The following ADGRF5 variants were observed in gnomAD, a reference collection of about 807,000 sequenced individuals.
ADGRF5 encodes the protein G-protein coupled receptor 116.
ADGRF5 carries 75 observed loss-of-function variants against 132.3 expected under a neutral mutation model. The observed-to-expected ratio is 0.57, with a 90% CI of 0.47 to 0.69. ADGRF5 has a LOEUF of 0.69. Among genes scored for constraint, ADGRF5 ranks in the 30% least tolerant of loss-of-function variants. The pLI, the probability that ADGRF5 is intolerant of heterozygous loss-of-function variation, is 0.00. For synonymous variants in ADGRF5, 629 were observed against 597.6 expected (o/e 1.05, Z -0.77); for missense variants, 1,516 against 1,630.6 (o/e 0.93, Z 1.21).
At position 46,882,108 on chromosome 6, in the gene ADGRF5, C is replaced by A; in HGVS notation, c.613-1G>T. ...GTAAAATTCCGTAACCCTTCCGGAA[C>A]TGAAAAATAAAGCAAGATGAATGTC... On this transcript the variant is annotated splice_acceptor_variant, in intron 6 of 20. Coordinates refer to ENST00000283296, the MANE Select transcript of ADGRF5 (RefSeq NM_001098518.2). LOFTEE classifies it high-confidence loss of function. The A allele has an allele frequency of 4.4e-6, 7 of 1,605,658 alleles. No homozygotes were observed. The highest frequency in any genetic ancestry group is 6.0e-6 in the Non-Finnish European group (7 of 1,172,518).
At chr6:46,880,363 A>T (rs556296600) in intron 8 of ADGRF5, among the ~76,000 whole-genome samples, 4 of 152,034 alleles carry the variant, frequency 2.6e-5, no homozygotes, top group African/African-American at 9.6e-5. Flanking sequence ...TTTTATAAAA[A>T]AAAAACAAAC....
chr6:46,862,654 G>A (rs777931066), intron 15 of ADGRF5, among the ~76,000 whole-genome samples: 14 of 141,028 alleles, frequency 9.9e-5, no homozygotes, highest in Non-Finnish European at 2.0e-4. Flanking sequence ...GTATCTAGTC[G>A]GTCTGAGAGC....
chr6:46,877,240 T>TTTC (rs1682225960), intron 10 of ADGRF5, among the ~76,000 whole-genome samples: 1 of 28,848 alleles, frequency 3.5e-5, no homozygotes, highest in Non-Finnish European at 6.6e-5. Flanking sequence ...TCTTTCTTTC[T>TTTC]TTCTTTCTTT....
intron 11 of ADGRF5, chr6:46,869,509 C>A (rs1396368019): frequency 2.9e-6 from 1 of 348,070 alleles, no homozygotes; most frequent in Non-Finnish European, 4.0e-6. Context: ...TTTTAAAATA[C>A]TTTTTAATAA....
intron 9 of ADGRF5, among the ~76,000 whole-genome samples, chr6:46,879,329 C>T (rs60401949): frequency 0.16 from 23,544 of 151,858 alleles, 2,698 homozygotes; most frequent in African/African-American, 0.32. Context: ...AATCTCATGT[C>T]GAATTATAAT....
At chr6:46,937,772 A>G (rs1777903466) in intron 1 of ADGRF5, among the ~76,000 whole-genome samples, 1 of 152,200 alleles carries the variant, frequency 6.6e-6, no homozygotes, top group East Asian at 1.9e-4. Flanking sequence ...CAGGTGCTGC[A>G]ATACATATCT....
rs552130633 is a variant in ADGRF5, at chr6:46,860,418, T to C, written c.2379+297A>G. Among the ~76,000 whole-genome samples the C allele has an allele frequency of 2.0e-4, 30 of 152,352 alleles. 1 individual carries two copies. The South Asian group carries it at 5.6e-3, about 28-fold the overall frequency. ...TAGTGCTAGACCTTTGAGAATATCA[T>C]CTTGTATATTCTGAAAACCTTTAAT... On this transcript the variant is annotated intron_variant, in intron 16 of 20. Coordinates refer to ENST00000283296, the MANE Select transcript of ADGRF5 (RefSeq NM_001098518.2).
chr6:46,896,703 T>C (rs1021527678), intron 3 of ADGRF5, among the ~76,000 whole-genome samples: 2 of 151,676 alleles, frequency 1.3e-5, no homozygotes, highest in Non-Finnish European at 2.9e-5. Flanking sequence ...GTGATACATA[T>C]ATATGTGATA....
intron 6 of ADGRF5, among the ~76,000 whole-genome samples, chr6:46,882,864 T>TGCTGACAGCCTAAGGCAGGGCTCA (rs1407548512): frequency 7.2e-5 from 11 of 152,094 alleles, no homozygotes; most frequent in African/African-American, 2.4e-4. Flanking sequence ...AGCAGGAGGG[T>TGCTGACAGCCTAAGGCAGGGCTCA]GCTGACAGCC....
intron 1 of ADGRF5, among the ~76,000 whole-genome samples, chr6:46,918,008 G>A (rs1776576687): frequency 6.6e-6 from 1 of 152,212 alleles, no homozygotes; most frequent in Admixed American, 6.5e-5. Flanking sequence ...CTTTGCCTTT[G>A]CAATTCCACA....
At chr6:46,899,262 G>A (rs1774496759) in intron 3 of ADGRF5, among the ~76,000 whole-genome samples, 1 of 152,056 alleles carries the variant, frequency 6.6e-6, no homozygotes, top group Admixed American at 6.6e-5. Flanking sequence ...AGGTGGGAAA[G>A]GCACAGAAGG....
intron 2 of ADGRF5, among the ~76,000 whole-genome samples, chr6:46,903,971 G>GT (rs1479686791): frequency 6.6e-6 from 1 of 152,210 alleles, no homozygotes; most frequent in Non-Finnish European, 1.5e-5. Flanking sequence ...AACGAAGAAA[G>GT]TTGACAGTTT....
chr6:46,913,315 A>G (rs1254902537), intron 1 of ADGRF5, among the ~76,000 whole-genome samples: 1 of 152,178 alleles, frequency 6.6e-6, no homozygotes, highest in African/African-American at 2.4e-5. Context: ...CTTGCCTAAC[A>G]TAGTGAAACC....
chr6:46,889,219 G>C (rs1386836929), intron 3 of ADGRF5, among the ~76,000 whole-genome samples: 36 of 146,062 alleles, frequency 2.5e-4, no homozygotes, highest in Non-Finnish European at 1.5e-5. Flanking sequence ...TATATAGAGA[G>C]AGTATATATA....
rs1373212107 is a variant in ADGRF5 at position 46,953,651 on chromosome 6, G to GTGTGTATATA, written c.-25+1082_-25+1083insTATATACACA. On this transcript the variant is annotated intron_variant, in intron 1 of 20. Coordinates refer to the ADGRF5 transcript ENST00000265417. ...AAATTATATATATATAGATATATGT[G>GTGTGTATATA]TATATATATATATATATATATATAT... is the stretch of plus-strand genomic sequence containing the variant. Among the ~76,000 whole-genome samples the GTGTGTATATA allele has an allele frequency of 5.4e-3, 228 of 42,156 alleles. 8 individuals carry two copies. Among genetic ancestry groups the GTGTGTATATA allele is most frequent in the African/African-American group, 0.015 (216 of 14,244 alleles). The allele number at this position is 42,156 out of a possible 152,430, so 27.7% of individuals were successfully genotyped here.
At position 46,888,385 on chromosome 6, in the gene ADGRF5, C is replaced by G; in HGVS notation, c.278G>C (p.Gly93Ala). ...YLNSLSFPIH[G>A]NNTDQITDIL... is the part of the protein sequence containing the mutation. ...GTCGGTAATTTGGTCAGTGTTATTC[C>G]CATGAATTGGAAAACTGAGGCTGTT... The change falls in exon 4 of 21, where the codon GGG (glycine) becomes GCG (alanine). Residue 93 changes from glycine to alanine, a missense_variant. Transcript: ENST00000283296. The G allele has an allele frequency of 6.2e-7, 1 of 1,612,224 alleles. No individual in the cohort carries two copies. The highest frequency in any genetic ancestry group is 8.5e-7 in the Non-Finnish European group (1 of 1,178,414).
chr6:46,885,444 C>G (rs1439331259), intron 4 of ADGRF5, among the ~76,000 whole-genome samples: 1 of 152,094 alleles, frequency 6.6e-6, no homozygotes, highest in Non-Finnish European at 1.5e-5. Context: ...AAAAACCCTG[C>G]TTAGGACACA....
chr6:46,899,970 G>A (rs1774580110), intron 3 of ADGRF5, 59 bp downstream of exon 3: 2 of 1,145,154 alleles, frequency 1.7e-6, no homozygotes, highest in Admixed American at 1.7e-5. Flanking sequence ...TTAAAAAGTT[G>A]CAACACATAC....
chr6:46,881,332 C>G (rs1581827876), intron 8 of ADGRF5, 123 bp downstream of exon 8: 2 of 782,082 alleles, frequency 2.6e-6, no homozygotes, highest in East Asian at 5.1e-5. Flanking sequence ...GGAGGTGGTA[C>G]AGAACCCCCT....
Sources: gnomAD v4.1 joint callset for allele counts (sites outside exome capture counted in the v4.1 genomes callset) on GRCh38, gnomAD v4.1.1 for gene constraint, MANE v1.5 for transcripts, NCBI Gene and HGNC (gene_info 2026-07-23, HGNC 2026-07-21) for gene names.